Variants in TLK2 observed in about 807,000 individuals in gnomAD.
TLK2 encodes the protein tousled like kinase 2, also known as serine/threonine-protein kinase tousled-like 2.
TLK2 carries 6 observed loss-of-function variants against 117.3 expected under a neutral mutation model. The ratio of observed to expected loss-of-function variants is 0.05; its 90% CI spans 0.03 to 0.10. The LOEUF is 0.10. Among genes scored for constraint, TLK2 ranks in the 10% least tolerant of loss-of-function variants. The pLI is 1.00. For synonymous variants in TLK2, 257 were observed against 316.7 expected, an observed-to-expected ratio of 0.81 and a Z score of 2.00; for missense variants, 299 against 901.2, an observed-to-expected ratio of 0.33 and a Z score of 8.56.
chr17:62,504,005 A>T (rs2074449323), intron 2 of TLK2, among the ~76,000 whole-genome samples: 1 of 152,154 alleles, frequency 6.6e-6, no homozygotes, highest in South Asian at 2.1e-4. Context: ...AAGTGCTGGG[A>T]TTACAGGCGT....
chr17:62,602,970 G>GT (rs1297879279), intron 19 of TLK2, among the ~76,000 whole-genome samples: 2 of 152,058 alleles, frequency 1.3e-5, no homozygotes, highest in East Asian at 1.9e-4. Context: ...ATGGCCCCCA[G>GT]TTTTTTTTAG....
chr17:62,496,097 A>C (rs2073651705), intron 2 of TLK2, among the ~76,000 whole-genome samples: 1 of 152,164 alleles, frequency 6.6e-6, no homozygotes, highest in African/African-American at 2.4e-5. Flanking sequence ...ACTGTTAAAA[A>C]GTTTCTTATA....
chr17:62,482,282 T>C (rs541887006), intron 2 of TLK2, among the ~76,000 whole-genome samples: 27 of 152,074 alleles, frequency 1.8e-4, no homozygotes, highest in African/African-American at 6.5e-4. Context: ...TGATACAACA[T>C]TTGTTTCTGT....
chr17:62,543,872 A>T (rs2077717089), intron 7 of TLK2, among the ~76,000 whole-genome samples: 1 of 152,112 alleles, frequency 6.6e-6, no homozygotes, highest in Admixed American at 6.5e-5. Context: ...TTTGTTGCTT[A>T]TGCTTTTAGT....
At chr17:62,565,204 A>T in intron 11 of TLK2, 67 bp downstream of exon 11, 4 of 1,534,084 alleles carry the variant, frequency 2.6e-6, no homozygotes, top group Non-Finnish European at 3.5e-6. Flanking sequence ...GTTTTCTGTA[A>T]TTGTAGTCAT....
chr17:62,570,082 T>C (rs1276374526), intron 11 of TLK2, among the ~76,000 whole-genome samples: 2 of 152,210 alleles, frequency 1.3e-5, no homozygotes, highest in African/African-American at 4.8e-5. Flanking sequence ...CTCATAAGGA[T>C]ACCGGTCATA....
intron 1 of TLK2, among the ~76,000 whole-genome samples, chr17:62,480,883 G>A (rs1451977143): frequency 6.6e-6 from 1 of 152,200 alleles, no homozygotes; most frequent in East Asian, 1.9e-4. Context: ...AATCAAATCA[G>A]AACTAGGGAA....
At chr17:62,595,349 A>G (rs2082396184) in intron 16 of TLK2, among the ~76,000 whole-genome samples, 1 of 144,138 alleles carries the variant, frequency 6.9e-6, no homozygotes, top group African/African-American at 2.6e-5. Context: ...GGCCTGCTGT[A>G]TAGTAAATAC....
At chr17:62,533,658 G>A (rs1258435622) in intron 6 of TLK2, among the ~76,000 whole-genome samples, 1 of 151,642 alleles carries the variant, frequency 6.6e-6, no homozygotes, top group Non-Finnish European at 1.5e-5. Context: ...TGTATTTTTA[G>A]TAGAGGCAGG....
chr17:62,522,141 C>T, intron 3 of TLK2, 63 bp from the exon 4 acceptor site: 1 of 1,553,566 alleles, frequency 6.4e-7, no homozygotes, highest in Non-Finnish European at 8.8e-7. Context: ...TGTATACTCG[C>T]TGTTTTTCCT....
At chr17:62,600,241 CT>C (rs1414336159) in intron 17 of TLK2, 1 of 83,166 alleles carries the variant, frequency 1.2e-5, no homozygotes, top group African/African-American at 5.1e-5. Flanking sequence ...GAGACGGAGT[CT>C]CAAAAAAAAA....
At chr17:62,552,605 C>T (rs1489757020) in intron 8 of TLK2, among the ~76,000 whole-genome samples, 2 of 150,758 alleles carry the variant, frequency 1.3e-5, no homozygotes, top group Non-Finnish European at 2.9e-5. Context: ...TTTACTCTTC[C>T]GGTGTATTGT....
At chr17:62,475,089 A>C (rs1449430313), upstream of TLK2, among the ~76,000 whole-genome samples, 1 of 152,012 alleles carries the variant, frequency 6.6e-6, no homozygotes, top group Admixed American at 6.6e-5. Context: ...TAGCAACCAA[A>C]CGTTTTTCCA....
chr17:62,573,713 G>A (rs774620498), intron 12 of TLK2, among the ~76,000 whole-genome samples: 1 of 152,096 alleles, frequency 6.6e-6, no homozygotes, highest in Non-Finnish European at 1.5e-5. Flanking sequence ...TCATCTTATG[G>A]GAGTTACCTG....
intron 2 of TLK2, among the ~76,000 whole-genome samples, chr17:62,508,228 C>T (rs2074876004): frequency 6.8e-6 from 1 of 146,896 alleles, no homozygotes; most frequent in Admixed American, 6.8e-5. Flanking sequence ...TTTTCCCTCC[C>T]AAGTGATATG....
intron 7 of TLK2, among the ~76,000 whole-genome samples, chr17:62,540,364 A>C: frequency 8.2e-6 from 1 of 121,726 alleles, no homozygotes; most frequent in Non-Finnish European, 1.7e-5. Context: ...ATCTATCAGT[A>C]AAGCTTATTG....
At chr17:62,578,453 C>T (rs746913741) in intron 13 of TLK2, 24 bp from the exon 14 acceptor site, 3 of 1,596,170 alleles carry the variant, frequency 1.9e-6, no homozygotes, top group South Asian at 2.2e-5. Flanking sequence ...CTATTTTGTG[C>T]TATTTCTTTC....
At chr17:62,501,442 A>G (rs1406797538) in intron 2 of TLK2, among the ~76,000 whole-genome samples, 2 of 152,068 alleles carry the variant, frequency 1.3e-5, no homozygotes, top group Admixed American at 6.6e-5. Context: ...TAAATGAGAT[A>G]GAAAACAAGG....
At chr17:62,496,323 TTAGA>T (rs1308202498) in intron 2 of TLK2, among the ~76,000 whole-genome samples, 8 of 152,200 alleles carry the variant, frequency 5.3e-5, no homozygotes, top group Non-Finnish European at 1.0e-4. Context: ...TGATGGACAC[TTAGA>T]TGGACAGCAG....
Sources: gnomAD v4.1 joint callset for allele counts (sites outside exome capture counted in the v4.1 genomes callset) on GRCh38, gnomAD v4.1.1 for gene constraint, MANE v1.5 for transcripts, NCBI Gene and HGNC (gene_info 2026-07-23, HGNC 2026-07-21) for gene names.